The following NEBL variants were observed in gnomAD, a reference collection of about 807,000 sequenced individuals.
The protein encoded by NEBL is nebulette, also known as LIM and SH3 protein 2.
In NEBL, 122 loss-of-function variants were observed where a neutral mutation model predicts 140.2. That is an observed-to-expected ratio of 0.87 (90% CI 0.75 to 1.01). The LOEUF is 1.01. Among genes scored for constraint, NEBL ranks in the 50% least tolerant of loss-of-function variants. The probability of loss-of-function intolerance (pLI) is 0.00; values close to 1 mark genes in which losing one functional copy is unlikely to be tolerated. For synonymous variants in NEBL, 436 were observed against 398.9 expected (o/e 1.09, Z -1.11); for missense variants, 1,365 against 1,231.3 (o/e 1.11, Z -1.62).
intron 2 of NEBL, among the ~76,000 whole-genome samples, chr10:21,048,817 G>A (rs1161697681): frequency 6.6e-6 from 1 of 152,092 alleles, no homozygotes; most frequent in Non-Finnish European, 1.5e-5. Flanking sequence ...CCAACATGGT[G>A]AAACCCTGTC....
At chr10:20,816,534 T>C (rs757171812) in intron 21 of NEBL, among the ~76,000 whole-genome samples, 15 of 152,226 alleles carry the variant, frequency 9.9e-5, no homozygotes, top group Non-Finnish European at 1.9e-4. Context: ...GGGGGAAAGA[T>C]GAGCGTCTAC....
chr10:21,065,213 T>C (rs1041021631), intron 2 of NEBL, among the ~76,000 whole-genome samples: 3 of 152,216 alleles, frequency 2.0e-5, no homozygotes, highest in Non-Finnish European at 4.4e-5. Flanking sequence ...ATGCCTTAGT[T>C]ACAAGGAATA....
intron 2 of NEBL, among the ~76,000 whole-genome samples, chr10:21,076,563 A>C (rs886309084): frequency 6.6e-6 from 1 of 152,008 alleles, no homozygotes; most frequent in Non-Finnish European, 1.5e-5. Flanking sequence ...TTATACATCC[A>C]TGGTCATAGC....
At chr10:20,953,118 T>C (rs532365204) in intron 4 of NEBL, among the ~76,000 whole-genome samples, 2 of 152,236 alleles carry the variant, frequency 1.3e-5, no homozygotes, top group South Asian at 4.1e-4. Flanking sequence ...GACTGAACTG[T>C]GTACCACCCC....
intron 2 of NEBL, among the ~76,000 whole-genome samples, chr10:21,070,386 A>G (rs2131901938): frequency 6.6e-6 from 1 of 152,206 alleles, no homozygotes; most frequent in East Asian, 1.9e-4. Context: ...AAGACTCTCC[A>G]AGATATCAAA....
At chr10:21,233,516 T>C (rs935145549) in intron 3 of NEBL, among the ~76,000 whole-genome samples, 17 of 150,738 alleles carry the variant, frequency 1.1e-4, no homozygotes, top group Non-Finnish European at 2.1e-4. Flanking sequence ...TATATCTATA[T>C]CATATATATC....
intron 1 of NEBL, among the ~76,000 whole-genome samples, chr10:21,269,148 A>G (rs1415324305): frequency 6.6e-6 from 1 of 152,186 alleles, no homozygotes; most frequent in Non-Finnish European, 1.5e-5. Context: ...ATCTTCTCCC[A>G]TTGTGGCTTT....
At chr10:21,065,140 G>T (rs1191438248) in intron 2 of NEBL, among the ~76,000 whole-genome samples, 2 of 152,046 alleles carry the variant, frequency 1.3e-5, no homozygotes, top group African/African-American at 4.8e-5. Context: ...CATGGAAATG[G>T]GTGTAAGGAA....
intron 2 of NEBL, among the ~76,000 whole-genome samples, chr10:21,070,374 G>A (rs887475835): frequency 8.5e-5 from 13 of 152,108 alleles, no homozygotes; most frequent in Non-Finnish European, 1.5e-5. Context: ...ACAGATTAAT[G>A]TAAGACTCTC....
intron 2 of NEBL, among the ~76,000 whole-genome samples, chr10:21,091,603 C>A (rs913858965): frequency 1.3e-5 from 2 of 152,106 alleles, no homozygotes; most frequent in Non-Finnish European, 2.9e-5. Context: ...TTAATTCATG[C>A]TTAGATTGCT....
At chr10:21,101,699 G>A (rs1837486219) in intron 2 of NEBL, among the ~76,000 whole-genome samples, 1 of 152,138 alleles carries the variant, frequency 6.6e-6, no homozygotes, top group Non-Finnish European at 1.5e-5. Context: ...CACAATTTAT[G>A]TTCCACTTCA....
At chr10:21,152,867 T>C (rs183559361) in intron 2 of NEBL, among the ~76,000 whole-genome samples, 1 of 152,314 alleles carries the variant, frequency 6.6e-6, no homozygotes, top group African/African-American at 2.4e-5. Context: ...AAAAAACAAC[T>C]GTACATCAAT....
chr10:20,860,561 C>CAAAAAAA lies in NEBL; in HGVS notation c.685-736_685-735insTTTTTTT, dbSNP rs879306514. 2.6e-3 allele frequency among the ~76,000 whole-genome samples: 163 copies of CAAAAAAA among 61,706 alleles called. 21 individuals are homozygous for CAAAAAAA. The highest frequency in any genetic ancestry group is 0.019 in the Middle Eastern group (1 of 54). The allele number at this position is 61,706 out of a possible 152,430, so 40.5% of individuals were successfully genotyped here. On this transcript the variant is annotated intron_variant, in intron 7 of 27. Coordinates refer to ENST00000377122, the MANE Select transcript of NEBL (RefSeq NM_006393.3). ...TTAGAATATAAACACAAGTTCACTACAAAAAGAAAAAAAAAAAAAAAAAAA... is the reference window on the plus strand; with the variant it reads ...TTAGAATATAAACACAAGTTCACTACAAAAAAAAAAAAGAAAAAAAAAAAAAAAAAAA...
chr10:20,916,097 C>G (rs974791865), intron 4 of NEBL, among the ~76,000 whole-genome samples: 5 of 152,050 alleles, frequency 3.3e-5, no homozygotes, highest in Admixed American at 2.0e-4. Context: ...AGAAGTAAAA[C>G]ACAATGAATC....
At chr10:20,889,592 C>T (rs191530437) in intron 3 of NEBL, among the ~76,000 whole-genome samples, 32 of 151,926 alleles carry the variant, frequency 2.1e-4, no homozygotes, top group African/African-American at 6.8e-4. Context: ...CAAGAGGAAT[C>T]GTATATAAAT....
intron 26 of NEBL, among the ~76,000 whole-genome samples, chr10:20,808,303 G>A (rs1430156524): frequency 1.3e-5 from 2 of 151,804 alleles, no homozygotes; most frequent in African/African-American, 4.8e-5. Context: ...AAGTAAGACG[G>A]GGGGAAAATA....
At position 20,845,328 on chromosome 10, in the gene NEBL, CT is replaced by C. The variant is rs1554784067; in HGVS notation, c.1156del (p.Arg386GlyfsTer6). 1 of 1,605,614 alleles carries C rather than the reference CT, an allele frequency of 6.2e-7. No individual in the cohort carries two copies. The highest frequency in any genetic ancestry group is 1.1e-5 in the South Asian group (1 of 90,870). On this transcript the variant is annotated frameshift_variant, in exon 12 of 28. Coordinates refer to ENST00000377122, the MANE Select transcript of NEBL (RefSeq NM_006393.3). LOFTEE classifies it high-confidence loss of function. ...AGTCTTGTCTAAATCCAGTGATGACCTTCCTTTAATCTCCTTCTCAAAATCC... is the reference window on the plus strand; with the variant it reads ...AGTCTTGTCTAAATCCAGTGATGACCTCCTTTAATCTCCTTCTCAAAATCC... ...KEDFEKEIKG[R>X]SSLDLDKTPE...
intron 26 of NEBL, among the ~76,000 whole-genome samples, chr10:20,792,877 C>T (rs750352455): frequency 6.6e-6 from 1 of 152,042 alleles, no homozygotes. Context: ...AACACACGGC[C>T]ATGGTATGGA....
At chr10:21,120,374 C>CAAAAAAAAAAAAAA (rs1157067083) in intron 2 of NEBL, among the ~76,000 whole-genome samples, 9 of 48,392 alleles carry the variant, frequency 1.9e-4, no homozygotes, top group African/African-American at 7.4e-4. Flanking sequence ...GACTGTGTCT[C>CAAAAAAAAAAAAAA]AAAAAAAAAA....
Sources: allele counts gnomAD v4.1 joint callset (sites outside exome capture counted in the v4.1 genomes callset), GRCh38; gene constraint gnomAD v4.1.1; transcripts MANE v1.5; gene names NCBI Gene and HGNC (gene_info 2026-07-23, HGNC 2026-07-21).